The following ATAD3A variants were observed in gnomAD, a reference collection of about 807,000 sequenced individuals.
ATAD3A encodes the protein ATPase family AAA domain containing 3A, also known as ATPase family AAA domain-containing protein 3A.
In ATAD3A, 46 loss-of-function variants were observed where a neutral mutation model predicts 73.8. That is an observed-to-expected ratio of 0.62 (90% CI 0.49 to 0.80). The LOEUF is 0.80. ATAD3A is among the 30% of genes least tolerant of loss of function. The pLI is 0.00. For synonymous variants in ATAD3A, 319 were observed against 350.0 expected (o/e 0.91, Z 0.99); for missense variants, 705 against 838.0 (o/e 0.84, Z 1.96).
chr1:1,518,226 G>A (rs1427288637), intron 4 of ATAD3A, among the ~76,000 whole-genome samples: 1 of 148,750 alleles, frequency 6.7e-6, no homozygotes, highest in East Asian at 2.0e-4. Context: ...AGACAGGTAC[G>A]CACATACACC....
In ATAD3A at chr1:1,522,704, C is replaced by T. The variant is rs370063347; in HGVS notation, c.751-40C>T. ...CGTCTCCTGCTCTAAGAGGGAGGGACGGTGGGGGCCGGTGCGCCAGTGCGG... is the reference window on the plus strand; with the variant it reads ...CGTCTCCTGCTCTAAGAGGGAGGGATGGTGGGGGCCGGTGCGCCAGTGCGG... On this transcript the variant is annotated intron_variant, in intron 7 of 15. Coordinates refer to ENST00000378756, the MANE Select transcript of ATAD3A (RefSeq NM_001170535.3). 1.5e-4 allele frequency: 239 copies of T among 1,608,314 alleles called. 2 individuals carry two copies. In the East Asian group the frequency reaches 3.2e-3, roughly 21 times the overall value.
Position 1,534,284 on chromosome 1 carries a change from C to T in ATAD3A, c.*212C>T. 6.9e-7 allele frequency: 1 copy of T among 1,446,218 alleles called. No individual in the cohort carries two copies. Among genetic ancestry groups the T allele is most frequent in the Non-Finnish European group, 9.0e-7 (1 of 1,108,008 alleles). 89.6% of individuals were successfully genotyped at this position (1,446,218 alleles called of 1,614,324 possible). ...GCACTGGCTAGGGAGGGGCAGGCCT[C>T]CTTCCTGCCCCTCGAGACACTCTTG... On this transcript the variant is annotated 3_prime_UTR_variant, in exon 16 of 16. Transcript: ENST00000378756.
intron 7 of ATAD3A, among the ~76,000 whole-genome samples, chr1:1,521,951 A>G (rs1033795793): frequency 5.3e-5 from 8 of 152,174 alleles, no homozygotes; most frequent in Non-Finnish European, 7.3e-5. Flanking sequence ...CTGGTCACGA[A>G]CTTCTGACCT....
At chr1:1,527,616 G>T in intron 13 of ATAD3A, 79 bp from the exon 14 acceptor site, 4 of 1,501,808 alleles carry the variant, frequency 2.7e-6, no homozygotes, top group Non-Finnish European at 3.6e-6. Flanking sequence ...TCTCCCTGTG[G>T]GGGCTGAGGA....
rs565314026 is a variant in ATAD3A at position 1,514,014 on chromosome 1, G to A, written c.205+1541G>A. 2.8e-4 allele frequency among the ~76,000 whole-genome samples: 42 copies of A among 152,068 alleles called. 1 individual carries two copies. The South Asian group carries it at 6.0e-3, about 22-fold the overall frequency. On this transcript the variant is annotated intron_variant, in intron 1 of 15. Coordinates refer to ENST00000378756, the MANE Select transcript of ATAD3A (RefSeq NM_001170535.3). ...GAACTGTCTGTGAGCACCAGCGCTC[G>A]CCCTGCACTCCACAGAGGGGGTGCC...
At chr1:1,524,237 A>G in intron 10 of ATAD3A, 36 bp from the exon 11 acceptor site, 2 of 1,613,700 alleles carry the variant, frequency 1.2e-6, no homozygotes, top group Non-Finnish European at 8.5e-7. Context: ...GGCGGAGGGA[A>G]CATCTGCTCT....
rs968689760 is a variant in ATAD3A at position 1,534,488 on chromosome 1, C to T, written c.*416C>T. 91 of 960,490 alleles carry T rather than the reference C, an allele frequency of 9.5e-5. No individual in the cohort carries two copies. The highest frequency in any genetic ancestry group is 1.2e-4 in the Non-Finnish European group (86 of 736,084). 59.5% of individuals were successfully genotyped at this position (960,490 alleles called of 1,614,324 possible). On this transcript the variant is annotated 3_prime_UTR_variant, in exon 16 of 16. Transcript: ENST00000378756. The stretch of plus-strand genomic sequence containing the variant: ...CAGGTGAGGGGGCGCCTGCCAGGGC[C>T]AGACCCAGGTGGGGCAGCCTGAACC...
At chr1:1,515,987 G>C in intron 1 of ATAD3A, 25 bp from the exon 2 acceptor site, 1 of 1,613,620 alleles carries the variant, frequency 6.2e-7, no homozygotes, top group Non-Finnish European at 8.5e-7. Flanking sequence ...CCTAACACCT[G>C]CCCTCCGTGT....
chr1:1,530,470 G>A (rs1399944821), intron 15 of ATAD3A, among the ~76,000 whole-genome samples: 2 of 152,082 alleles, frequency 1.3e-5, no homozygotes, highest in African/African-American at 4.8e-5. Flanking sequence ...GGAGGTGGAG[G>A]CTGCAGTGAG....
At chr1:1,522,649 G>T (rs138757840) in intron 7 of ATAD3A, 95 bp from the exon 8 acceptor site, 7 of 1,570,048 alleles carry the variant, frequency 4.5e-6, no homozygotes, top group Non-Finnish European at 6.1e-6. Context: ...CTTCTCCCTC[G>T]GGCGGAGAGA....
chr1:1,523,538 C>A lies in ATAD3A; in HGVS notation c.934C>A (p.Gln312Lys). Residue 312 changes from glutamine to lysine, a missense_variant, in exon 9 of 16, where the codon CAG becomes AAG. Transcript: ENST00000378756. The surrounding 1 kb of genome is among the most constrained non-coding windows in gnomAD (Gnocchi z 5.1). ...CAGCCGGCGGCTCCTCAGTCGACCC[C>A]AGGACGCGCTGGAGGGTGTTGTGCT... The part of the protein sequence containing the change: ...QVSRRLLSRP[Q>K]DALEGVVLSP... The A allele has an allele frequency of 2.5e-6, 4 of 1,613,002 alleles. No individual in the cohort carries two copies. Among genetic ancestry groups the A allele is most frequent in the Non-Finnish European group, 3.4e-6 (4 of 1,179,682 alleles).
rs767886117 is a variant in ATAD3A, at chr1:1,512,219, C to G, written c.-50C>G. 9.4e-5 allele frequency: 118 copies of G among 1,259,282 alleles called. No homozygotes were observed. Among genetic ancestry groups the G allele is most frequent in the Non-Finnish European group, 1.1e-4 (112 of 998,806 alleles). The allele number at this position is 1,259,282 out of a possible 1,614,324, so 78.0% of individuals were successfully genotyped here. On this transcript the variant is annotated 5_prime_UTR_variant, in exon 1 of 16. Coordinates refer to ENST00000378756, the MANE Select transcript of ATAD3A (RefSeq NM_001170535.3). ...AGGCTGCTCCCAGCCGCGCGCGAGTCAGACTCGGGTGGGGGTCCCGGCGGC... is the reference window on the plus strand; with the variant it reads ...AGGCTGCTCCCAGCCGCGCGCGAGTGAGACTCGGGTGGGGGTCCCGGCGGC...
At chr1:1,533,570 C>T (rs1642107925) in intron 15 of ATAD3A, among the ~76,000 whole-genome samples, 1 of 152,178 alleles carries the variant, frequency 6.6e-6, no homozygotes, top group Admixed American at 6.5e-5. Context: ...TGCACTATGA[C>T]CCGGGGGCAC....
intron 2 of ATAD3A, chr1:1,516,998 C>G (rs914158799): frequency 1.2e-5 from 15 of 1,299,462 alleles, no homozygotes; most frequent in East Asian, 2.6e-5. Context: ...AAGCGAGAGC[C>G]GTCGCACCCG....
At chr1:1,519,134 G>A in intron 5 of ATAD3A, 144 bp downstream of exon 5, 1 of 1,541,048 alleles carries the variant, frequency 6.5e-7, no homozygotes, top group Non-Finnish European at 8.8e-7. Flanking sequence ...CCGCGGGGTG[G>A]GGCTGCCTCT....
rs45619935 is a variant in ATAD3A, at chr1:1,520,040, C to T, written c.515-101C>T. On this transcript the variant is annotated intron_variant, in intron 5 of 15. Coordinates refer to ENST00000378756, the MANE Select transcript of ATAD3A (RefSeq NM_001170535.3). This position sits in a 1 kb window ranked among gnomAD's most constrained non-coding sequence, Gnocchi z 4.0. The stretch of plus-strand genomic sequence containing the variant: ...GGCCTGTCTGTGGCGTTGGTCTGTC[C>T]GTGGCGTGGGCCGGTCCGTGGCGTG... 1.4e-4 allele frequency: 207 copies of T among 1,498,042 alleles called. No individual in the cohort carries two copies. The highest frequency in any genetic ancestry group is 2.6e-4 in the African/African-American group (19 of 72,316). The allele number at this position is 1,498,042 out of a possible 1,614,324, so 92.8% of individuals were successfully genotyped here. A position where few individuals can be genotyped will look rare whatever the true frequency, so the allele number is the denominator to read the frequency against.
intron 3 of ATAD3A, 115 bp downstream of exon 3, chr1:1,517,527 C>T: frequency 1.1e-6 from 1 of 923,696 alleles, no homozygotes; most frequent in African/African-American, 2.0e-5. Context: ...TAGAGCTGCC[C>T]TCGGAACGGC....
In ATAD3A at chr1:1,522,857, G is replaced by A. The variant is rs138532467; in HGVS notation, c.864G>A (p.Thr288=). ...GGAAGCCGTCCCTAGTGAGGGAGAC[G>A]TCCCGCATCACGGTGCTTGAGGCGC... ...RLGKPSLVRE[T]SRITVLEALR... is the part of the protein sequence containing the mutation. The change falls in exon 8 of 16, where the codon ACG becomes ACA. Residue 288 remains threonine, a synonymous_variant. Coordinates refer to ENST00000378756, the MANE Select transcript of ATAD3A (RefSeq NM_001170535.3). The A allele has an allele frequency of 1.1e-3, 1,770 of 1,610,142 alleles. 28 individuals carry two copies. The East Asian group carries it at 0.031, about 29-fold the overall frequency.
intron 4 of ATAD3A, 151 bp downstream of exon 4, chr1:1,517,926 C>T (rs1330141233): frequency 3.1e-6 from 3 of 968,552 alleles, no homozygotes; most frequent in African/African-American, 1.6e-5. Context: ...GACAGACACG[C>T]ACCAGCACAC....
Sources: gnomAD v4.1 joint callset for allele counts (sites outside exome capture counted in the v4.1 genomes callset) on GRCh38, gnomAD v4.1.1 for gene constraint, Gnocchi (gnomAD v3.1) non-coding constraint, MANE v1.5 for transcripts, NCBI Gene and HGNC (gene_info 2026-07-23, HGNC 2026-07-21) for gene names.